The following EBAG9 variants were observed in gnomAD, a reference collection of about 807,000 sequenced individuals.
The protein encoded by EBAG9 is receptor-binding cancer antigen expressed on SiSo cells.
A neutral mutation model predicts 30.9 loss-of-function variants in EBAG9; 16 were observed. The ratio of observed to expected loss-of-function variants is 0.52; its 90% CI spans 0.35 to 0.79. The LOEUF is 0.79. Among genes scored for constraint, EBAG9 ranks in the 30% least tolerant of loss-of-function variants. The pLI is 0.01. For synonymous variants in EBAG9, 93 were observed against 82.8 expected, an observed-to-expected ratio of 1.12 and a Z score of -0.67; for missense variants, 197 against 242.1, an observed-to-expected ratio of 0.81 and a Z score of 1.24.
At position 109,565,879 on chromosome 8, in the gene EBAG9, T is replaced by G. The variant is rs1426010352; in HGVS notation, c.*1320T>G. 3 of 152,132 alleles carry G rather than the reference T, an allele frequency of 2.0e-5. No homozygotes were observed. Among genetic ancestry groups the G allele is most frequent in the African/African-American group, 7.2e-5 (3 of 41,454 alleles). 9.4% of individuals were successfully genotyped at this position (152,132 alleles called of 1,614,324 possible). A position where few individuals can be genotyped will look rare whatever the true frequency, so the allele number is the denominator to read the frequency against. Reference sequence around the variant, plus strand: ...TTAGCCTAAGCTTTCAGACTAAATGTGATTATAGAATAAGATGAAAGTTAA... The same window carrying G: ...TTAGCCTAAGCTTTCAGACTAAATGGGATTATAGAATAAGATGAAAGTTAA... On this transcript the variant is annotated 3_prime_UTR_variant, in exon 7 of 7. Transcript: ENST00000337573.
intron 1 of EBAG9, among the ~76,000 whole-genome samples, chr8:109,544,323 A>G (rs1345216743): frequency 1.3e-5 from 2 of 152,186 alleles, no homozygotes; most frequent in African/African-American, 4.8e-5. Flanking sequence ...AAACTATCAA[A>G]TTACTGTATG....
chr8:109,560,603 CAT>C (rs912625145), intron 5 of EBAG9, among the ~76,000 whole-genome samples: 1 of 152,058 alleles, frequency 6.6e-6, no homozygotes, highest in African/African-American at 2.4e-5. Context: ...TCCCATGAAA[CAT>C]AAAGAAGAAA....
chr8:109,550,892 A>G lies in EBAG9; in HGVS notation c.68A>G (p.Lys23Arg). ...TCLATVFSFL[K>R]RLICRSGRGR... ...CTAGCAACAGTATTCTCATTCCTAAAGAGATTAATATGCAGGTAAATAAGT... is the reference window on the plus strand; with the variant it reads ...CTAGCAACAGTATTCTCATTCCTAAGGAGATTAATATGCAGGTAAATAAGT... The change falls in exon 2 of 7, where the codon AAG (lysine) becomes AGG (arginine). Residue 23 changes from lysine (K) to arginine (R), a missense_variant. Lys to Arg is a conservative substitution (Grantham distance 26, BLOSUM62 2). Coordinates refer to ENST00000337573, the MANE Select transcript of EBAG9 (RefSeq NM_004215.5). The G allele has an allele frequency of 1.3e-6, 2 of 1,583,664 alleles. No individual in the cohort carries two copies. The highest frequency in any genetic ancestry group is 1.7e-6 in the Non-Finnish European group (2 of 1,159,462).
At chr8:109,563,549 A>G in intron 6 of EBAG9, 1 of 1,584,964 alleles carries the variant, frequency 6.3e-7, no homozygotes, top group South Asian at 1.1e-5. Context: ...TGTATTTCAC[A>G]AAGTATGATT....
chr8:109,560,808 C>T, intron 5 of EBAG9, 30 bp from the exon 6 acceptor site: 1 of 1,521,516 alleles, frequency 6.6e-7, no homozygotes, highest in African/African-American at 1.4e-5. Context: ...GGCTTTTACT[C>T]TCTTAATTTT....
intron 1 of EBAG9, among the ~76,000 whole-genome samples, chr8:109,549,816 T>G (rs1428168793): frequency 6.6e-6 from 1 of 152,080 alleles, no homozygotes; most frequent in African/African-American, 2.4e-5. Flanking sequence ...AAATGACCAC[T>G]TTTATACCTG....
intron 5 of EBAG9, among the ~76,000 whole-genome samples, chr8:109,558,254 G>A (rs915544033): frequency 5.9e-5 from 9 of 152,004 alleles, no homozygotes; most frequent in African/African-American, 2.2e-4. Flanking sequence ...CTAAAGCCAG[G>A]CCCTGTGGCA....
rs1821564950 is a variant in EBAG9 at position 109,554,827 on chromosome 8, G to A, written c.261G>A (p.Leu87=). 1 of 1,613,686 alleles carries A rather than the reference G, an allele frequency of 6.2e-7. No individual in the cohort carries two copies. Among genetic ancestry groups the A allele is most frequent in the Non-Finnish European group, 8.5e-7 (1 of 1,179,762 alleles). The change falls in exon 4 of 7, where the codon TTG becomes TTA. Residue 87 remains leucine, a synonymous_variant. Transcript: ENST00000337573. ...NGNVATQQNS[L]EQLEPDYFKD... is the part of the protein sequence containing the mutation. ...ATGTGGCAACACAACAAAATTCTTT[G>A]GAACAACTGGAACCTGACTATTTTA...
intron 1 of EBAG9, among the ~76,000 whole-genome samples, chr8:109,541,467 A>G (rs1478067225): frequency 2.0e-5 from 3 of 152,208 alleles, no homozygotes; most frequent in Admixed American, 2.0e-4. Context: ...GGGAGTAGTG[A>G]AAAACCTACC....
At chr8:109,561,041 G>A in intron 6 of EBAG9, 112 bp downstream of exon 6, 2 of 818,480 alleles carry the variant, frequency 2.4e-6, no homozygotes, top group Non-Finnish European at 3.7e-6. Context: ...TTCTTCATTT[G>A]ATCCTTAGAT....
At chr8:109,548,921 C>T (rs1348893641) in intron 1 of EBAG9, among the ~76,000 whole-genome samples, 1 of 146,126 alleles carries the variant, frequency 6.8e-6, no homozygotes, top group Non-Finnish European at 1.5e-5. Flanking sequence ...TTGCATTGGC[C>T]AGAACTTCCA....
intron 5 of EBAG9, among the ~76,000 whole-genome samples, chr8:109,558,378 C>T (rs1563657096): frequency 6.6e-6 from 1 of 152,060 alleles, no homozygotes; most frequent in African/African-American, 2.4e-5. Context: ...TGCAGTTACA[C>T]GATGCTATGA....
intron 3 of EBAG9, among the ~76,000 whole-genome samples, chr8:109,554,152 G>A (rs1391647331): frequency 6.6e-6 from 1 of 151,986 alleles, no homozygotes; most frequent in Non-Finnish European, 1.5e-5. Context: ...GTTTTCATTG[G>A]TTTCAAGTGT....
chr8:109,551,557 A>G lies in EBAG9; in HGVS notation c.83+650A>G, dbSNP rs369594836. 2.6e-4 allele frequency among the ~76,000 whole-genome samples: 40 copies of G among 152,324 alleles called. No homozygotes were observed. The East Asian group carries it at 5.2e-3, about 20-fold the overall frequency. On this transcript the variant is annotated intron_variant, in intron 2 of 6. Coordinates refer to ENST00000337573, the MANE Select transcript of EBAG9 (RefSeq NM_004215.5). The stretch of plus-strand genomic sequence containing the variant: ...AATATTTTAAATTTTGCAGTGAAAC[A>G]TAGTGATAGCATCTGTTGAATACCT...
rs1821783512 is a variant in EBAG9 at position 109,564,699 on chromosome 8, A to G, written c.*140A>G. 8.2e-7 allele frequency: 1 copy of G among 1,220,372 alleles called. No homozygotes were observed. Among genetic ancestry groups the G allele is most frequent in the Admixed American group, 2.6e-5 (1 of 38,842 alleles). The allele number at this position is 1,220,372 out of a possible 1,614,324, so 75.6% of individuals were successfully genotyped here. On this transcript the variant is annotated 3_prime_UTR_variant, in exon 7 of 7. Transcript: ENST00000337573. ...TGATCAGGCCATCCAGGACACCACG[A>G]TTCTCCCAAAGTACCTTGAACTCTT...
chr8:109,557,539 G>A (rs1415932122), intron 5 of EBAG9, among the ~76,000 whole-genome samples: 2 of 152,158 alleles, frequency 1.3e-5, no homozygotes, highest in African/African-American at 4.8e-5. Context: ...AAGCACAAAT[G>A]TCCAGACCCC....
At chr8:109,558,865 A>G (rs1047273282) in intron 5 of EBAG9, among the ~76,000 whole-genome samples, 4 of 152,162 alleles carry the variant, frequency 2.6e-5, no homozygotes, top group Admixed American at 2.0e-4. Flanking sequence ...GTCATGTTTT[A>G]TACTTTTTTA....
chr8:109,554,715 T>C lies in EBAG9; in HGVS notation c.163-14T>C, dbSNP rs901304680. On this transcript the variant is annotated splice_polypyrimidine_tract_variant and intron_variant, in intron 3 of 6. Coordinates refer to ENST00000337573, the MANE Select transcript of EBAG9 (RefSeq NM_004215.5). ...GCCCCTTTGTGGCTGATAATGTTGA[T>C]CAATTAAATTTAGACAGATGTTGAA... 5 of 1,608,602 alleles carry C rather than the reference T, an allele frequency of 3.1e-6. No individual in the cohort carries two copies. In the Admixed American group the frequency reaches 8.5e-5, roughly 27 times the overall value.
chr8:109,546,490 TTC>T (rs1428524046), intron 1 of EBAG9, among the ~76,000 whole-genome samples: 2 of 152,212 alleles, frequency 1.3e-5, no homozygotes, highest in African/African-American at 4.8e-5. Flanking sequence ...TGCTGATATT[TTC>T]TGTCACTCTA....
Sources: gnomAD v4.1 joint callset for allele counts (sites outside exome capture counted in the v4.1 genomes callset) on GRCh38, gnomAD v4.1.1 for gene constraint, MANE v1.5 for transcripts, NCBI Gene and HGNC (gene_info 2026-07-23, HGNC 2026-07-21) for gene names.